CECR2: variants seen among roughly 807,000 people sequenced by gnomAD.
CECR2 encodes the protein CECR2 histone acetyl-lysine reader.
A neutral mutation model predicts 154.5 loss-of-function variants in CECR2; 30 were observed. The ratio of observed to expected loss-of-function variants is 0.19; its 90% CI spans 0.15 to 0.26. CECR2 has a LOEUF of 0.26. CECR2 is among the 10% of genes least tolerant of loss of function. CECR2 has a pLI of 1.00. For missense variants in CECR2, 1,743 were observed against 1,829.3 expected, an observed-to-expected ratio of 0.95 and a Z score of 0.86; for synonymous variants, 725 against 683.7, an observed-to-expected ratio of 1.06 and a Z score of -0.94.
At chr22:17,474,137 C>T (rs1378864738) in intron 1 of CECR2, among the ~76,000 whole-genome samples, 1 of 152,124 alleles carries the variant, frequency 6.6e-6, no homozygotes, top group African/African-American at 2.4e-5. Flanking sequence ...CTCATCTTTA[C>T]TGATTCTGCA....
intron 2 of CECR2, among the ~76,000 whole-genome samples, chr22:17,485,968 G>A (rs954049062): frequency 3.9e-5 from 6 of 152,088 alleles, no homozygotes; most frequent in African/African-American, 1.2e-4. Flanking sequence ...GCTTTAAAAC[G>A]TGGGTTTTGT....
intron 8 of CECR2, among the ~76,000 whole-genome samples, chr22:17,514,075 A>G (rs1334261221): frequency 2.6e-5 from 4 of 152,216 alleles, no homozygotes; most frequent in African/African-American, 9.6e-5. Context: ...TTAAGCATGG[A>G]GGCAGGGTTT....
chr22:17,440,976 G>A (rs953270286), intron 1 of CECR2, among the ~76,000 whole-genome samples: 16 of 151,982 alleles, frequency 1.1e-4, no homozygotes, highest in Non-Finnish European at 1.6e-4. Context: ...GGCAGGGGGC[G>A]GGATGGAGTC....
chr22:17,541,578 T>C (rs1434256403), intron 14 of CECR2, among the ~76,000 whole-genome samples: 1 of 152,160 alleles, frequency 6.6e-6, no homozygotes, highest in Non-Finnish European at 1.5e-5. Context: ...CTAAAATGGA[T>C]CCTTGGGAGG....
chr22:17,413,663 G>GATTATTATTATTATT lies in CECR2; in HGVS notation c.126+43767_126+43781dup, dbSNP rs111990077. Among the ~76,000 whole-genome samples, 334 of 150,724 alleles carry GATTATTATTATTATT rather than the reference G, an allele frequency of 2.2e-3. 1 individual carries two copies. The highest frequency in any genetic ancestry group is 7.7e-3 in the African/African-American group (315 of 40,830). ...AAATTTCATGTGCATTTGGAAGGAGGATTATTATTATTATTATTATTATTA... is the reference window on the plus strand; with the variant it reads ...AAATTTCATGTGCATTTGGAAGGAGGATTATTATTATTATTATTATTATTATTATTATTATTATTA... On this transcript the variant is annotated intron_variant, in intron 1 of 18. Transcript: ENST00000262608.
At chr22:17,535,882 C>T (rs1050054324) in intron 9 of CECR2, among the ~76,000 whole-genome samples, 8 of 152,138 alleles carry the variant, frequency 5.3e-5, no homozygotes, top group East Asian at 3.8e-4. Flanking sequence ...CAACAGGGAT[C>T]GTGTCTTGCT....
At chr22:17,361,799 A>C (rs1569031936) in intron 1 of CECR2, among the ~76,000 whole-genome samples, 1 of 152,052 alleles carries the variant, frequency 6.6e-6, no homozygotes, top group Non-Finnish European at 1.5e-5. Context: ...TGAATGCTAA[A>C]GATTAGTAAT....
At chr22:17,480,758 G>A (rs1601428232) in intron 2 of CECR2, among the ~76,000 whole-genome samples, 1 of 152,066 alleles carries the variant, frequency 6.6e-6, no homozygotes, top group African/African-American at 2.4e-5. Context: ...ACTTAATTTC[G>A]GCCGGGCGCA....
At chr22:17,393,030 ACT>A (rs1371716596) in intron 1 of CECR2, among the ~76,000 whole-genome samples, 1 of 152,062 alleles carries the variant, frequency 6.6e-6, no homozygotes, top group African/African-American at 2.4e-5. Flanking sequence ...ACAGAGTGAG[ACT>A]CTGTCTCAGA....
chr22:17,540,034 C>G (rs1166509586), intron 13 of CECR2, among the ~76,000 whole-genome samples: 2 of 152,268 alleles, frequency 1.3e-5, no homozygotes, highest in Non-Finnish European at 2.9e-5. Flanking sequence ...GTCTCACTTT[C>G]TTGCCCAGTC....
intron 15 of CECR2, 77 bp from the exon 16 acceptor site, chr22:17,542,080 G>C (rs1362235043): frequency 6.4e-7 from 1 of 1,572,462 alleles, no homozygotes; most frequent in Non-Finnish European, 8.6e-7. Context: ...CAAAGAGTCT[G>C]TTCCCATAGA....
intron 1 of CECR2, among the ~76,000 whole-genome samples, chr22:17,422,839 G>C (rs938945730): frequency 1.3e-5 from 2 of 151,656 alleles, no homozygotes; most frequent in African/African-American, 4.8e-5. Context: ...ACCATGCTTT[G>C]CTCTCTGGCA....
intron 1 of CECR2, among the ~76,000 whole-genome samples, chr22:17,407,060 C>G (rs75237373): frequency 6.6e-6 from 1 of 152,162 alleles, no homozygotes; most frequent in African/African-American, 2.4e-5. Flanking sequence ...CCTTTGATAA[C>G]TTGAGTATTA....
intron 8 of CECR2, among the ~76,000 whole-genome samples, chr22:17,513,875 C>T (rs1425178161): frequency 6.6e-6 from 1 of 152,180 alleles, no homozygotes; most frequent in Non-Finnish European, 1.5e-5. Context: ...ACTGAAACGT[C>T]CTTCATTGCT....
intron 1 of CECR2, among the ~76,000 whole-genome samples, chr22:17,382,123 C>T (rs1430900982): frequency 6.6e-6 from 1 of 151,766 alleles, no homozygotes; most frequent in East Asian, 1.9e-4. Flanking sequence ...ATCTCCTGAC[C>T]TTGTGATCCG....
Position 17,548,680 on chromosome 22 carries a change from C to G in CECR2, c.3393C>G (p.Ala1131=). 6 of 1,613,506 alleles carry G rather than the reference C, an allele frequency of 3.7e-6. No individual in the cohort carries two copies. The highest frequency in any genetic ancestry group is 5.1e-6 in the Non-Finnish European group (6 of 1,179,732). The change falls in exon 17 of 19, where the codon GCC becomes GCG. Residue 1131 remains alanine, a synonymous_variant. Coordinates refer to ENST00000262608, the MANE Select transcript of CECR2 (RefSeq NM_001290047.2). ...MPGLEYPNSA[A]HYHISPGLQG... ...GCCTAGAGTACCCGAATTCAGCTGC[C>G]CATTACCACATCAGTCCAGGCCTGC... is the stretch of plus-strand genomic sequence containing the variant.
At chr22:17,374,854 C>T (rs752059541) in intron 1 of CECR2, among the ~76,000 whole-genome samples, 13 of 152,250 alleles carry the variant, frequency 8.5e-5, no homozygotes, top group Non-Finnish European at 5.9e-5. Context: ...TCTACAGAGG[C>T]TAATGCTTGC....
intron 1 of CECR2, among the ~76,000 whole-genome samples, chr22:17,423,280 G>A (rs1393126464): frequency 1.3e-5 from 2 of 150,800 alleles, no homozygotes; most frequent in African/African-American, 5.0e-5. Flanking sequence ...TGGCTAGACT[G>A]GACTGGAGTT....
chr22:17,505,038 G>T (rs2055813297), intron 7 of CECR2, 22 bp downstream of exon 7: 2 of 1,609,172 alleles, frequency 1.2e-6, no homozygotes, highest in East Asian at 4.5e-5. Context: ...TCTCTGCTCT[G>T]TCCTCCTCAG....
Sources: allele counts gnomAD v4.1 joint callset (sites outside exome capture counted in the v4.1 genomes callset), GRCh38; gene constraint gnomAD v4.1.1; transcripts MANE v1.5; gene names NCBI Gene and HGNC (gene_info 2026-07-23, HGNC 2026-07-21).